DSC2: variants seen among roughly 807,000 people sequenced by gnomAD.
DSC2 encodes the protein desmocollin-2.
In DSC2, 51 loss-of-function variants were observed where a neutral mutation model predicts 87.6. The observed-to-expected ratio is 0.58, with a 90% CI of 0.46 to 0.74. The LOEUF is 0.74. DSC2 is among the 30% of genes least tolerant of loss of function. The pLI, the probability that DSC2 is intolerant of heterozygous loss-of-function variation, is 0.00. For synonymous variants in DSC2, 383 were observed against 393.2 expected (o/e 0.97, Z 0.31); for missense variants, 1,066 against 1,089.5 (o/e 0.98, Z 0.30).
Position 31,065,203 on chromosome 18 carries a change from C to T in DSC2, c.*2812G>A, listed in dbSNP as rs1986585037. Reference sequence around the variant, plus strand: ...GAAGCTACTATGAGCCATGAAATTCCCAAAGGCCATCACTGGTGAAATACT... The same window carrying T: ...GAAGCTACTATGAGCCATGAAATTCTCAAAGGCCATCACTGGTGAAATACT... On this transcript the variant is annotated 3_prime_UTR_variant, in exon 16 of 16. Coordinates refer to ENST00000280904, the MANE Select transcript of DSC2 (RefSeq NM_024422.6). 6.6e-6 allele frequency: 1 copy of T among 152,146 alleles called. No individual in the cohort carries two copies. Among genetic ancestry groups the T allele is most frequent in the Non-Finnish European group, 1.5e-5 (1 of 68,062 alleles). 9.4% of individuals were successfully genotyped at this position (152,146 alleles called of 1,614,324 possible).
chr18:31,084,092 C>T (rs892588946), intron 7 of DSC2, among the ~76,000 whole-genome samples: 1 of 152,162 alleles, frequency 6.6e-6, no homozygotes, highest in South Asian at 2.1e-4. Flanking sequence ...TCCTCATCTT[C>T]TACCTAGAAT....
chr18:31,076,842 A>G (rs1214791878), intron 11 of DSC2, among the ~76,000 whole-genome samples: 1 of 152,224 alleles, frequency 6.6e-6, no homozygotes, highest in Non-Finnish European at 1.5e-5. Flanking sequence ...AAGCTACCTA[A>G]ATATATTAAC....
At chr18:31,069,360 C>T (rs1258959989) in intron 14 of DSC2, among the ~76,000 whole-genome samples, 2 of 152,124 alleles carry the variant, frequency 1.3e-5, no homozygotes, top group African/African-American at 4.8e-5. Context: ...AGCAAACTGT[C>T]AAGTGGTTGG....
chr18:31,090,386 G>A (rs539116862), intron 4 of DSC2, among the ~76,000 whole-genome samples: 1 of 152,260 alleles, frequency 6.6e-6, no homozygotes, highest in Admixed American at 6.5e-5. Context: ...ATGGAAGAAG[G>A]CAAGAAGGCT....
At chr18:31,073,849 A>G (rs1362957169) in intron 12 of DSC2, among the ~76,000 whole-genome samples, 1 of 152,228 alleles carries the variant, frequency 6.6e-6, no homozygotes, top group African/African-American at 2.4e-5. Context: ...ACACATGGGG[A>G]ACCGAGTTAG....
In DSC2 at chr18:31,087,798, T is replaced by C. The variant is rs755298693; in HGVS notation, c.646A>G (p.Thr216Ala). The C allele has an allele frequency of 1.9e-5, 31 of 1,613,718 alleles. No homozygotes were observed. Among genetic ancestry groups the C allele is most frequent in the Non-Finnish European group, 2.5e-5 (29 of 1,179,850 alleles). ...YESFEIIAFA[T>A]TPDGYTPELP... ...TCTGGAGTATACCCATCTGGAGTTG[T>C]TGCAAAGGCAATTATCTGTGAAGAG... Residue 216 changes from threonine (T) to alanine (A), a missense_variant, in exon 6 of 16, where the codon ACA becomes GCA. Coordinates refer to ENST00000280904, the MANE Select transcript of DSC2 (RefSeq NM_024422.6).
chr18:31,094,646 ATAAAC>A (rs964520304), intron 1 of DSC2, among the ~76,000 whole-genome samples: 2 of 152,244 alleles, frequency 1.3e-5, no homozygotes, highest in African/African-American at 4.8e-5. Context: ...GTTTATAAAT[ATAAAC>A]TAAAATCATC....
At chr18:31,098,647 GT>G (rs1165359279) in intron 1 of DSC2, among the ~76,000 whole-genome samples, 2 of 151,584 alleles carry the variant, frequency 1.3e-5, no homozygotes, top group Non-Finnish European at 2.9e-5. Context: ...TAGAGAAGGG[GT>G]TTTGCCATGT....
chr18:31,090,917 C>T (rs1987572010), intron 4 of DSC2, 111 bp downstream of exon 4: 2 of 1,419,584 alleles, frequency 1.4e-6, no homozygotes, highest in African/African-American at 2.8e-5. Flanking sequence ...TACACATACT[C>T]ATTCACTCAC....
At position 31,065,797 on chromosome 18, in the gene DSC2, T is replaced by G. The variant is rs983531127; in HGVS notation, c.*2218A>C. On this transcript the variant is annotated 3_prime_UTR_variant, in exon 16 of 16. Transcript: ENST00000280904. ...TTTCACAGTGTTTCAAACCAGGCAA[T>G]CCCATACGAATGCCTCAGCAATCTT... 21 of 152,158 alleles carry G rather than the reference T, an allele frequency of 1.4e-4. No homozygotes were observed. The highest frequency in any genetic ancestry group is 5.1e-4 in the African/African-American group (21 of 41,450). The allele number at this position is 152,158 out of a possible 1,614,324, so 9.4% of individuals were successfully genotyped here.
At chr18:31,073,694 C>T (rs1986908618) in intron 12 of DSC2, among the ~76,000 whole-genome samples, 1 of 152,128 alleles carries the variant, frequency 6.6e-6, no homozygotes, top group African/African-American at 2.4e-5. Flanking sequence ...CATCATGGTC[C>T]ATAGGCAGTG....
intron 2 of DSC2, among the ~76,000 whole-genome samples, chr18:31,093,167 A>G (rs1987655454): frequency 6.6e-6 from 1 of 152,210 alleles, no homozygotes; most frequent in Non-Finnish European, 1.5e-5. Flanking sequence ...TTCAGGGTAC[A>G]TGTGCAGGAT....
At position 31,059,682 on chromosome 18, in the gene DSC2, C is replaced by T. The variant is rs920228396; in HGVS notation, c.*8333G>A. 2 of 151,822 alleles carry T rather than the reference C, an allele frequency of 1.3e-5. No individual in the cohort carries two copies. Among genetic ancestry groups the T allele is most frequent in the African/African-American group, 2.4e-5 (1 of 41,306 alleles). 9.4% of individuals were successfully genotyped at this position (151,822 alleles called of 1,614,324 possible). ...CACAATGAATAAATATTTCATTTAC[C>T]GAGGATTTATCACTCAATATCTTAG... is the stretch of plus-strand genomic sequence containing the variant. On this transcript the variant is annotated 3_prime_UTR_variant, in exon 16 of 16. Coordinates refer to ENST00000280904, the MANE Select transcript of DSC2 (RefSeq NM_024422.6).
At chr18:31,087,948 G>C in intron 5 of DSC2, 135 bp from the exon 6 acceptor site, 1 of 881,730 alleles carries the variant, frequency 1.1e-6, no homozygotes, top group South Asian at 1.5e-5. Flanking sequence ...ATTGTTCTGG[G>C]ATATGGATAT....
rs1987671927 is a variant in DSC2, at chr18:31,093,595, G to C, written c.118C>G (p.Pro40Ala). 1 of 1,603,208 alleles carries C rather than the reference G, an allele frequency of 6.2e-7. No homozygotes were observed. The highest frequency in any genetic ancestry group is 8.5e-7 in the Non-Finnish European group (1 of 1,173,244). Residue 40 changes from proline (P) to alanine (A), a missense_variant, in exon 2 of 16, where the codon CCC becomes GCC. Physicochemically the swap from Pro to Ala is conservative, Grantham distance 27. Coordinates refer to ENST00000280904, the MANE Select transcript of DSC2 (RefSeq NM_024422.6). ...AGTTTCTCGGCATCTAGTTTGGAGG[G>C]AACATGTAATGTCACATTTTTGCAG... The part of the protein sequence containing the change: ...DACKNVTLHV[P>A]SKLDAEKLVG...
chr18:31,087,732 C>G lies in DSC2; in HGVS notation c.712G>C (p.Asp238His). 1 of 1,613,818 alleles carries G rather than the reference C, an allele frequency of 6.2e-7. No homozygotes were observed. The highest frequency in any genetic ancestry group is 1.1e-5 in the South Asian group (1 of 91,078). ...TCTTCTGTAAAAATTGGGTAGTTATCATTTTCATCCTCTATTTTGATTATT... is the reference window on the plus strand; with the variant it reads ...TCTTCTGTAAAAATTGGGTAGTTATGATTTTCATCCTCTATTTTGATTATT... ...PLIIKIEDEN[D>H]NYPIFTEETY... Residue 238 changes from aspartate to histidine, a missense_variant, in exon 6 of 16, where the codon GAT becomes CAT. Asp to His is a moderately conservative substitution (Grantham distance 81). Coordinates refer to ENST00000280904, the MANE Select transcript of DSC2 (RefSeq NM_024422.6).
At chr18:31,090,440 A>T (rs1039182595) in intron 4 of DSC2, among the ~76,000 whole-genome samples, 1 of 152,154 alleles carries the variant, frequency 6.6e-6, no homozygotes, top group Non-Finnish European at 1.5e-5. Context: ...AGAGAAAAAG[A>T]GCCAGGTATG....
intron 15 of DSC2, 126 bp from the exon 16 acceptor site, chr18:31,068,338 T>C (rs1986700919): frequency 6.2e-7 from 1 of 1,612,844 alleles, no homozygotes; most frequent in East Asian, 2.2e-5. Flanking sequence ...TGTCCTCTAA[T>C]GGATTCCTAT....
At chr18:31,101,595 G>A in intron 1 of DSC2, 1 of 348,858 alleles carries the variant, frequency 2.9e-6, no homozygotes, top group Non-Finnish European at 5.2e-6. Flanking sequence ...GGCGCACCCT[G>A]CTCCCCGGCG....
Sources: allele counts gnomAD v4.1 joint callset (sites outside exome capture counted in the v4.1 genomes callset), GRCh38; gene constraint gnomAD v4.1.1; transcripts MANE v1.5; gene names NCBI Gene and HGNC (gene_info 2026-07-23, HGNC 2026-07-21).